SIPA1L2: variants seen among roughly 807,000 people sequenced by gnomAD.
The protein encoded by SIPA1L2 is signal-induced proliferation-associated 1-like protein 2.
SIPA1L2 carries 56 observed loss-of-function variants against 163.9 expected under a neutral mutation model. The observed-to-expected ratio is 0.34, with a 90% CI of 0.28 to 0.43. The LOEUF is 0.43. SIPA1L2 is among the 20% of genes least tolerant of loss of function. The pLI is 1.00. For synonymous variants in SIPA1L2, 877 were observed against 865.7 expected (o/e 1.01, Z -0.23); for missense variants, 1,974 against 2,193.5 (o/e 0.90, Z 2.00).
At chr1:232,525,336 A>C (rs1183620912) in intron 2 of SIPA1L2, among the ~76,000 whole-genome samples, 2 of 150,056 alleles carry the variant, frequency 1.3e-5, no homozygotes, top group East Asian at 3.9e-4. Flanking sequence ...CCCTGGTTCA[A>C]GCAATTCCTC....
At chr1:232,472,418 G>C (rs1342057163) in intron 7 of SIPA1L2, among the ~76,000 whole-genome samples, 1 of 152,136 alleles carries the variant, frequency 6.6e-6, no homozygotes, top group Non-Finnish European at 1.5e-5. Flanking sequence ...AGTTTCTAAT[G>C]GTGTGCCAGG....
chr1:232,498,755 T>A (rs1197549034), intron 3 of SIPA1L2, among the ~76,000 whole-genome samples: 1 of 152,178 alleles, frequency 6.6e-6, no homozygotes, highest in Non-Finnish European at 1.5e-5. Context: ...TAAGGACACC[T>A]GTGATTGCAT....
intron 2 of SIPA1L2, among the ~76,000 whole-genome samples, chr1:232,536,804 A>T (rs779277549): frequency 3.3e-5 from 5 of 152,192 alleles, no homozygotes; most frequent in Non-Finnish European, 5.9e-5. Context: ...TGACAGGAGG[A>T]GTAGTTGAGG....
chr1:232,439,587 C>T (rs1399769842), intron 14 of SIPA1L2, 91 bp from the exon 15 acceptor site: 22 of 1,446,852 alleles, frequency 1.5e-5, no homozygotes, highest in African/African-American at 4.2e-5. Context: ...GCCATGGGAT[C>T]GCACCCAAGC....
chr1:232,524,546 G>T (rs1451485146), intron 2 of SIPA1L2, among the ~76,000 whole-genome samples: 3 of 151,860 alleles, frequency 2.0e-5, no homozygotes, highest in African/African-American at 7.3e-5. Context: ...CTTATAATAA[G>T]AAAATTAAAA....
At chr1:232,544,105 T>C (rs1346353658) in intron 2 of SIPA1L2, among the ~76,000 whole-genome samples, 2 of 136,390 alleles carry the variant, frequency 1.5e-5, no homozygotes, top group Non-Finnish European at 3.1e-5. Context: ...CATGTATTTA[T>C]GTACCCCCCA....
At chr1:232,438,023 G>A (rs868303076) in intron 15 of SIPA1L2, among the ~76,000 whole-genome samples, 51 of 152,084 alleles carry the variant, frequency 3.4e-4, no homozygotes, top group Admixed American at 1.3e-4. Context: ...GCCCCAATAT[G>A]ACCCTGGTGG....
At chr1:232,535,247 T>C (rs1424042974) in intron 2 of SIPA1L2, among the ~76,000 whole-genome samples, 1 of 151,764 alleles carries the variant, frequency 6.6e-6, no homozygotes, top group African/African-American at 2.4e-5. Flanking sequence ...ACAACATATG[T>C]TTTTTTTTAA....
intron 9 of SIPA1L2, chr1:232,462,062 G>T: frequency 1.3e-6 from 1 of 763,940 alleles, no homozygotes; most frequent in Non-Finnish European, 2.3e-6. Flanking sequence ...AAGCCTCAGT[G>T]TATGTACCTT....
chr1:232,602,659 C>T (rs1460383623), intron 1 of SIPA1L2, among the ~76,000 whole-genome samples: 1 of 152,154 alleles, frequency 6.6e-6, no homozygotes. Flanking sequence ...GCAGGGAAGG[C>T]TCATAACTAG....
At position 232,596,799 on chromosome 1, in the gene SIPA1L2, G is replaced by A. The variant is rs2102841895; in HGVS notation, c.-318-22577C>T. Among the ~76,000 whole-genome samples the A allele has an allele frequency of 2.0e-5, 3 of 152,176 alleles. No homozygotes were observed. The Middle Eastern group carries it at 0.01, about 518-fold the overall frequency. ...TGCTTCTTCCCCGCTTCGCCTGTGA[G>A]GGGATCGATGAGTTAACTCTGGGAC... On this transcript the variant is annotated intron_variant, in intron 1 of 22. Transcript: ENST00000674635.
At chr1:232,471,625 A>T (rs908615114) in intron 7 of SIPA1L2, 97 bp from the exon 8 acceptor site, 7 of 1,145,532 alleles carry the variant, frequency 6.1e-6, no homozygotes, top group Non-Finnish European at 8.2e-6. Context: ...AGTGATTTTT[A>T]AAAAGCACAG....
intron 1 of SIPA1L2, among the ~76,000 whole-genome samples, chr1:232,600,031 G>A (rs1003343830): frequency 2.6e-5 from 4 of 152,216 alleles, no homozygotes; most frequent in South Asian, 2.1e-4. Context: ...GCCAGAACAC[G>A]GGCACTAATC....
chr1:232,441,806 C>T lies in SIPA1L2; in HGVS notation c.3500G>A (p.Arg1167Lys), dbSNP rs1470633748. The T allele has an allele frequency of 1.9e-6, 3 of 1,613,950 alleles. No individual in the cohort carries two copies. The South Asian group carries it at 3.3e-5, about 18-fold the overall frequency. The change falls in exon 13 of 23, where the codon AGG (arginine) becomes AAG (lysine). Residue 1167 changes from arginine (R) to lysine (K), a missense_variant. By Grantham distance (26) the Arg-to-Lys change is conservative (BLOSUM62 2). Around this residue, in one of 3 missense-constraint regions of SIPA1L2, gnomAD observed 1,079 missense variants for 1,150.7 expected, o/e 0.94. Coordinates refer to ENST00000674635, the MANE Select transcript of SIPA1L2 (RefSeq NM_020808.5). ...TGCTTCCATGGTGTCTTCCCTCTCC[C>T]TGGCTCCGTCACATTCCAAAGGGCC... ...GSGPLECDGA[R>K]EREDTMEASR...
At chr1:232,523,492 C>T (rs1558243433) in intron 2 of SIPA1L2, among the ~76,000 whole-genome samples, 1 of 152,072 alleles carries the variant, frequency 6.6e-6, no homozygotes, top group African/African-American at 2.4e-5. Context: ...GAAAACACAG[C>T]AAAAGGAGAA....
intron 3 of SIPA1L2, among the ~76,000 whole-genome samples, chr1:232,500,281 A>G (rs1329660653): frequency 6.6e-6 from 1 of 152,256 alleles, no homozygotes; most frequent in Non-Finnish European, 1.5e-5. Flanking sequence ...TCTGTAGCCC[A>G]TGAATCAGAG....
At chr1:232,535,241 CAT>C (rs1657230046) in intron 2 of SIPA1L2, among the ~76,000 whole-genome samples, 1 of 152,250 alleles carries the variant, frequency 6.6e-6, no homozygotes, top group Admixed American at 6.5e-5. Context: ...ACATCCACAA[CAT>C]ATGTTTTTTT....
upstream of SIPA1L2, among the ~76,000 whole-genome samples, chr1:232,630,324 C>T (rs1228905990): frequency 1.3e-5 from 2 of 151,796 alleles, no homozygotes; most frequent in African/African-American, 2.4e-5. Flanking sequence ...CCCCGCGGCG[C>T]GCGGGAGCTG....
rs148624002 is a variant in SIPA1L2, at chr1:232,505,416, C to T, written c.1483+8441G>A. ...ATGCCAACAAGTGTTGTCAGTTAAA[C>T]GCCATGTGAGTCAAACTGTAAAGAA... On this transcript the variant is annotated intron_variant, in intron 3 of 22. Coordinates refer to ENST00000674635, the MANE Select transcript of SIPA1L2 (RefSeq NM_020808.5). 2.4e-3 allele frequency among the ~76,000 whole-genome samples: 371 copies of T among 152,324 alleles called. 1 individual carries two copies. Among genetic ancestry groups the T allele is most frequent in the Middle Eastern group, 0.014 (4 of 294 alleles).
Sources: gnomAD v4.1 joint callset for allele counts (sites outside exome capture counted in the v4.1 genomes callset) on GRCh38, gnomAD v4.1.1 for gene constraint, gnomAD v4.1.1 regional missense constraint, MANE v1.5 for transcripts, NCBI Gene and HGNC (gene_info 2026-07-23, HGNC 2026-07-21) for gene names.